Variants in EIF2B1 observed in about 807,000 individuals in gnomAD.
EIF2B1 encodes translation initiation factor eIF2B subunit alpha.
In EIF2B1, 30 loss-of-function variants were observed where a neutral mutation model predicts 36.8. That is an observed-to-expected ratio of 0.81 (90% CI 0.61 to 1.10). The LOEUF is 1.10. Among genes scored for constraint, EIF2B1 ranks in the 50% least tolerant of loss-of-function variants. The pLI is 0.00. For synonymous variants in EIF2B1, 139 were observed against 142.2 expected, an observed-to-expected ratio of 0.98 and a Z score of 0.16; for missense variants, 271 against 374.8, an observed-to-expected ratio of 0.72 and a Z score of 2.29.
intron 7 of EIF2B1, among the ~76,000 whole-genome samples, chr12:123,624,446 G>A (rs912134225): frequency 2.3e-4 from 35 of 151,902 alleles, no homozygotes; most frequent in African/African-American, 8.5e-4. Flanking sequence ...TTTTTGTAGA[G>A]ACAGGGTTTC....
chr12:123,633,505 C>G lies in EIF2B1; in HGVS notation c.13+40G>C, dbSNP rs777158779. On this transcript the variant is annotated intron_variant, in intron 1 of 8. Transcript: ENST00000424014. ...AGAGGTTGGGGGGACCCCTGAACGG[C>G]GCTGCTGTAGCCTAGCAGCCCTGGC... 4 of 1,613,554 alleles carry G rather than the reference C, an allele frequency of 2.5e-6. No individual in the cohort carries two copies. In the African/African-American group the frequency reaches 4.0e-5, roughly 16 times the overall value.
At chr12:123,626,653 G>T in intron 5 of EIF2B1, 160 bp from the exon 6 acceptor site, 1 of 817,574 alleles carries the variant, frequency 1.2e-6, no homozygotes, top group Non-Finnish European at 2.0e-6. Context: ...ACAAGAATTT[G>T]AGTTCTTTAG....
At chr12:123,623,258 T>C (rs528427983) in intron 7 of EIF2B1, among the ~76,000 whole-genome samples, 78 of 151,564 alleles carry the variant, frequency 5.1e-4, no homozygotes, top group Non-Finnish European at 8.7e-4. Context: ...GGATGGGGGG[T>C]GCCTGTAATC....
chr12:123,622,424 C>T (rs1955110147), intron 8 of EIF2B1, among the ~76,000 whole-genome samples: 1 of 152,208 alleles, frequency 6.6e-6, no homozygotes, highest in South Asian at 2.1e-4. Flanking sequence ...CGGGCTTCCT[C>T]TCCACCCATC....
chr12:123,621,513 TGAAAAG>T lies in EIF2B1; in HGVS notation c.*237_*242del. ...TTATCTAACTTGTATTTCTGGAAAC[TGAAAAG>T]GAAAGTTTCTAGAAACCGTAAGAAC... On this transcript the variant is annotated 3_prime_UTR_variant, in exon 9 of 9. Transcript: ENST00000424014. 1 of 536,894 alleles carries T rather than the reference TGAAAAG, an allele frequency of 1.9e-6. No homozygotes were observed. Among genetic ancestry groups the T allele is most frequent in the Non-Finnish European group, 3.3e-6 (1 of 301,542 alleles). 33.3% of individuals were successfully genotyped at this position (536,894 alleles called of 1,614,324 possible). A position where few individuals can be genotyped will look rare whatever the true frequency, so the allele number is the denominator to read the frequency against.
intron 4 of EIF2B1, among the ~76,000 whole-genome samples, chr12:123,629,856 C>T (rs1430433215): frequency 1.3e-5 from 2 of 152,188 alleles, no homozygotes; most frequent in African/African-American, 4.8e-5. Context: ...CTGTCCCTCT[C>T]TGCCTGTTTA....
At chr12:123,631,985 AAC>A (rs1193906378) in intron 2 of EIF2B1, among the ~76,000 whole-genome samples, 1 of 145,408 alleles carries the variant, frequency 6.9e-6, no homozygotes, top group Non-Finnish European at 1.5e-5. Context: ...AAAAAAAACA[AAC>A]GGCCGGGCAC....
rs1955114267 is a variant in EIF2B1 at position 123,622,759 on chromosome 12, A to G, written c.630T>C (p.Ile210=). ...CACACACAGCCATCTGGTTGGTTCCAATCTGGGAAGGCAGAAAATGGAATG... is the reference window on the plus strand; with the variant it reads ...CACACACAGCCATCTGGTTGGTTCCGATCTGGGAAGGCAGAAAATGGAATG... The part of the protein sequence containing the change: ...VVENGGIINK[I]GTNQMAVCAK... Residue 210 remains isoleucine, a splice_region_variant and synonymous_variant, in exon 8 of 9, where the codon ATT becomes ATC. Coordinates refer to ENST00000424014, the MANE Select transcript of EIF2B1 (RefSeq NM_001414.4). 1 of 1,613,924 alleles carries G rather than the reference A, an allele frequency of 6.2e-7. No individual in the cohort carries two copies. Among genetic ancestry groups the G allele is most frequent in the Non-Finnish European group, 8.5e-7 (1 of 1,179,836 alleles).
chr12:123,623,841 G>A (rs1297379748), intron 7 of EIF2B1, among the ~76,000 whole-genome samples: 1 of 152,088 alleles, frequency 6.6e-6, no homozygotes, highest in Non-Finnish European at 1.5e-5. Context: ...AATGGAGAGA[G>A]AGATTGTAAT....
rs373726814 is a variant in EIF2B1 at position 123,633,493 on chromosome 12, A to C, written c.13+52T>G. On this transcript the variant is annotated intron_variant, in intron 1 of 8. Transcript: ENST00000424014. ...AGCCTGGATGTGAGAGGTTGGGGGG[A>C]CCCCTGAACGGCGCTGCTGTAGCCT... 4.5e-4 allele frequency: 726 copies of C among 1,613,006 alleles called. 1 individual carries two copies. In the African/African-American group the frequency reaches 7.5e-3, roughly 17 times the overall value.
chr12:123,628,649 C>T (rs1955166405), intron 4 of EIF2B1, among the ~76,000 whole-genome samples: 1 of 152,124 alleles, frequency 6.6e-6, no homozygotes, highest in African/African-American at 2.4e-5. Context: ...CAGGCATGAG[C>T]CACCATGCCC....
chr12:123,628,543 T>C (rs769974501), intron 4 of EIF2B1, among the ~76,000 whole-genome samples: 1 of 151,906 alleles, frequency 6.6e-6, no homozygotes, highest in Non-Finnish European at 1.5e-5. Flanking sequence ...TTTGTATTTT[T>C]AGTAGAGATG....
At chr12:123,624,994 A>C in intron 6 of EIF2B1, 132 bp from the exon 7 acceptor site, 1 of 782,442 alleles carries the variant, frequency 1.3e-6, no homozygotes, top group South Asian at 1.4e-5. Flanking sequence ...TTTAAAGCGC[A>C]CTTAACACGC....
At chr12:123,633,516 C>T in intron 1 of EIF2B1, 29 bp downstream of exon 1, 3 of 1,613,824 alleles carry the variant, frequency 1.9e-6, no homozygotes, top group Non-Finnish European at 2.5e-6. Flanking sequence ...GCTGCTGTAG[C>T]CTAGCAGCCC....
Position 123,630,387 on chromosome 12 carries a change from AG to A in EIF2B1, c.252+9del. ...GTGGAAAGGTAACCCCAGGGAGAAC[AG>A]GCACTTACGGAGTATTCCAGGGAGG... On this transcript the variant is annotated intron_variant, in intron 3 of 8. Transcript: ENST00000424014. The surrounding 1 kb of genome is among the most constrained non-coding windows in gnomAD (Gnocchi z 4.6). The A allele has an allele frequency of 6.2e-7, 1 of 1,614,210 alleles. No homozygotes were observed. Among genetic ancestry groups the A allele is most frequent in the Non-Finnish European group, 8.5e-7 (1 of 1,180,040 alleles).
At chr12:123,623,617 C>T (rs1955124949) in intron 7 of EIF2B1, among the ~76,000 whole-genome samples, 3 of 151,970 alleles carry the variant, frequency 2.0e-5, no homozygotes, top group African/African-American at 7.3e-5. Context: ...GGATTACAGG[C>T]ACCCGCCACC....
rs772937787 is a variant in EIF2B1 at position 123,622,632 on chromosome 12, T to C, written c.753+4A>G. ...GTACCCCTTCAAATATGTAAAACTC[T>C]TGCCTTAAACTTATCTGGGACGTCT... On this transcript the variant is annotated splice_donor_region_variant and intron_variant, in intron 8 of 8. Coordinates refer to ENST00000424014, the MANE Select transcript of EIF2B1 (RefSeq NM_001414.4). 19 of 1,613,916 alleles carry C rather than the reference T, an allele frequency of 1.2e-5. No individual in the cohort carries two copies. The highest frequency in any genetic ancestry group is 1.6e-4 in the Middle Eastern group (1 of 6,082).
At chr12:123,623,254 G>T (rs1046982242) in intron 7 of EIF2B1, among the ~76,000 whole-genome samples, 4 of 151,684 alleles carry the variant, frequency 2.6e-5, no homozygotes, top group Non-Finnish European at 4.4e-5. Flanking sequence ...GGTGGGATGG[G>T]GGGTGCCTGT....
intron 7 of EIF2B1, among the ~76,000 whole-genome samples, chr12:123,624,006 C>T (rs1451264138): frequency 2.0e-5 from 3 of 151,466 alleles, no homozygotes; most frequent in Admixed American, 1.3e-4. Flanking sequence ...TACTACACTA[C>T]AGCCTGGGCA....
Sources: gnomAD v4.1 joint callset for allele counts (sites outside exome capture counted in the v4.1 genomes callset) on GRCh38, gnomAD v4.1.1 for gene constraint, Gnocchi (gnomAD v3.1) non-coding constraint, MANE v1.5 for transcripts, NCBI Gene and HGNC (gene_info 2026-07-23, HGNC 2026-07-21) for gene names.